The following KDM5A variants were observed in gnomAD, a reference collection of about 807,000 sequenced individuals.
KDM5A encodes lysine-specific demethylase 5A.
A neutral mutation model predicts 193.5 loss-of-function variants in KDM5A; 42 were observed. The ratio of observed to expected loss-of-function variants is 0.22; its 90% CI spans 0.17 to 0.28. KDM5A has a LOEUF of 0.28. Among genes scored for constraint, KDM5A ranks in the 10% least tolerant of loss-of-function variants. KDM5A has a pLI of 1.00. For synonymous variants in KDM5A, 796 were observed against 718.1 expected (o/e 1.11, Z -1.73); for missense variants, 1,692 against 2,055.1 (o/e 0.82, Z 3.42).
chr12:293,620 A>G (rs1296861657), intron 26 of KDM5A, among the ~76,000 whole-genome samples: 1 of 151,972 alleles, frequency 6.6e-6, no homozygotes, highest in Non-Finnish European at 1.5e-5. Context: ...CTCTACTAAA[A>G]ATACAAAAAT....
At chr12:312,357 G>A (rs1435586056) in intron 20 of KDM5A, among the ~76,000 whole-genome samples, 3 of 152,060 alleles carry the variant, frequency 2.0e-5, no homozygotes, top group Non-Finnish European at 4.4e-5. Flanking sequence ...CAAACATCTA[G>A]AATAGTAGCA....
chr12:364,984 AT>A (rs1249628710), intron 4 of KDM5A, among the ~76,000 whole-genome samples: 2 of 152,098 alleles, frequency 1.3e-5, no homozygotes, highest in African/African-American at 4.8e-5. Flanking sequence ...GATAAACAAA[AT>A]GTGGTATATC....
chr12:334,361 G>T lies in KDM5A; in HGVS notation c.1370C>A (p.Ala457Glu). Reference protein sequence around the residue: ...NMPVLEQSVLAHINVDISGMK... With the variant: ...NMPVLEQSVLEHINVDISGMK... The stretch of plus-strand genomic sequence containing the variant: ...ACCAGAGATGTCCACATTAATATGT[G>T]CAAGAACAGACTGTTCCAGGACAGG... The change falls in exon 11 of 28, where the codon GCA becomes GAA. Residue 457 changes from alanine to glutamate, a missense_variant. Ala to Glu is a moderately radical substitution (Grantham distance 107). This residue lies in a region of KDM5A where 172 missense variants were observed against 260.3 expected (regional missense o/e 0.66). Transcript: ENST00000399788. The T allele has an allele frequency of 6.2e-7, 1 of 1,613,934 alleles. No individual in the cohort carries two copies.
intron 10 of KDM5A, 21 bp downstream of exon 10, chr12:350,600 A>G (rs1205405193): frequency 7.4e-6 from 12 of 1,613,658 alleles, no homozygotes; most frequent in African/African-American, 1.3e-5. Context: ...GGGGTAAGCA[A>G]AAGTTTGGAT....
intron 8 of KDM5A, among the ~76,000 whole-genome samples, chr12:353,815 C>T (rs1944193493): frequency 6.6e-6 from 1 of 150,704 alleles, no homozygotes; most frequent in Admixed American, 6.6e-5. Flanking sequence ...CCAGCTACTT[C>T]GGAGGCTGAG....
chr12:378,161 T>C (rs536692149), intron 3 of KDM5A, among the ~76,000 whole-genome samples: 1 of 152,122 alleles, frequency 6.6e-6, no homozygotes, highest in Non-Finnish European at 1.5e-5. Flanking sequence ...GCATATTACT[T>C]GGAAATATGA....
At chr12:336,846 A>G (rs1463203069) in intron 10 of KDM5A, among the ~76,000 whole-genome samples, 2 of 152,292 alleles carry the variant, frequency 1.3e-5, no homozygotes, top group East Asian at 3.9e-4. Flanking sequence ...AAAAAAAAAA[A>G]AAAGTTACAA....
Position 282,403 on chromosome 12 carries a change from C to A in KDM5A, c.*3053G>T, listed in dbSNP as rs1943166162. The A allele has an allele frequency of 4.3e-6, 1 of 233,140 alleles. No individual in the cohort carries two copies. Among genetic ancestry groups the A allele is most frequent in the African/African-American group, 2.2e-5 (1 of 45,336 alleles). 14.4% of individuals were successfully genotyped at this position (233,140 alleles called of 1,614,324 possible). On this transcript the variant is annotated 3_prime_UTR_variant, in exon 28 of 28. Coordinates refer to ENST00000399788, the MANE Select transcript of KDM5A (RefSeq NM_001042603.3). ...AATAATTTATAATTTTACTGAGGCA[C>A]AAATTTGAATCATGCAGGCAAAGCT...
chr12:284,490 G>A lies in KDM5A; in HGVS notation c.*966C>T. On this transcript the variant is annotated 3_prime_UTR_variant, in exon 28 of 28. Coordinates refer to ENST00000399788, the MANE Select transcript of KDM5A (RefSeq NM_001042603.3). ...GCAGACATTGGGGTCAGGGCTGCAA[G>A]GCAAAAAGCTGTTATTTGCTGGTCT... 1 of 232,756 alleles carries A rather than the reference G, an allele frequency of 4.3e-6. No homozygotes were observed. Among genetic ancestry groups the A allele is most frequent in the Non-Finnish European group, 8.5e-6 (1 of 117,458 alleles). The allele number at this position is 232,756 out of a possible 1,614,324, so 14.4% of individuals were successfully genotyped here. A position where few individuals can be genotyped will look rare whatever the true frequency, so the allele number is the denominator to read the frequency against.
At chr12:331,652 G>A (rs1201902150) in intron 13 of KDM5A, among the ~76,000 whole-genome samples, 167 bp downstream of exon 13, 1 of 152,202 alleles carries the variant, frequency 6.6e-6, no homozygotes, top group Non-Finnish European at 1.5e-5. Flanking sequence ...AATAAAAAAT[G>A]TGATGGAAAT....
At chr12:350,509 C>A in intron 10 of KDM5A, 112 bp downstream of exon 10, 4 of 961,412 alleles carry the variant, frequency 4.2e-6, no homozygotes, top group Non-Finnish European at 4.8e-6. Context: ...ATTATTTATA[C>A]TGCCAAATCC....
chr12:313,255 A>T, intron 19 of KDM5A, 61 bp from the exon 20 acceptor site: 1 of 1,570,258 alleles, frequency 6.4e-7, no homozygotes, highest in Non-Finnish European at 8.8e-7. Context: ...GTAACATTTC[A>T]GAATGTTTAG....
rs909350600 is a variant in KDM5A at position 283,942 on chromosome 12, T to C, written c.*1514A>G. On this transcript the variant is annotated 3_prime_UTR_variant, in exon 28 of 28. Transcript: ENST00000399788. ...GGACACAGCACCATAGTTTCAAACA[T>C]TCACACACAAAAGAAAAAAGAGCCA... 1.7e-5 allele frequency: 4 copies of C among 233,250 alleles called. No individual in the cohort carries two copies. Among genetic ancestry groups the C allele is most frequent in the Non-Finnish European group, 3.4e-5 (4 of 117,970 alleles). The allele number at this position is 233,250 out of a possible 1,614,324, so 14.4% of individuals were successfully genotyped here.
intron 21 of KDM5A, among the ~76,000 whole-genome samples, chr12:310,255 C>G (rs1485516802): frequency 2.0e-5 from 3 of 152,198 alleles, no homozygotes; most frequent in Admixed American, 6.5e-5. Flanking sequence ...ATTCCAAAGC[C>G]TTTGCTCTTA....
Position 389,103 on chromosome 12 carries a change from G to A in KDM5A, c.-12C>T, listed in dbSNP as rs754316137. 8 of 22,868 alleles carry A rather than the reference G, an allele frequency of 3.5e-4. No individual in the cohort carries two copies. Among genetic ancestry groups the A allele is most frequent in the Non-Finnish European group, 4.3e-4 (6 of 13,966 alleles). 1.4% of individuals were successfully genotyped at this position (22,868 alleles called of 1,614,324 possible). ...CCCACGCCCGCCATTGCAACGGCCG[G>A]GGGGGGGGGGGGGTCCCCGTGGGGA... On this transcript the variant is annotated 5_prime_UTR_variant, in exon 1 of 28. Coordinates refer to ENST00000399788, the MANE Select transcript of KDM5A (RefSeq NM_001042603.3).
At chr12:352,346 G>T in intron 8 of KDM5A, 22 bp from the exon 9 acceptor site, 1 of 1,609,398 alleles carries the variant, frequency 6.2e-7, no homozygotes, top group Non-Finnish European at 8.5e-7. Context: ...AAATATGTAA[G>T]ATTAACTTAC....
intron 24 of KDM5A, among the ~76,000 whole-genome samples, chr12:300,987 T>C (rs551030005): frequency 5.7e-4 from 87 of 152,296 alleles, no homozygotes; most frequent in Middle Eastern, 6.8e-3. Flanking sequence ...CAGGAAGAAG[T>C]TGAATCCCTG....
At chr12:344,981 A>G (rs1304701870) in intron 10 of KDM5A, among the ~76,000 whole-genome samples, 1 of 152,212 alleles carries the variant, frequency 6.6e-6, no homozygotes, top group Non-Finnish European at 1.5e-5. Context: ...CAAATTGGAA[A>G]AAGAGTCAAG....
rs1332378953 is a variant in KDM5A at position 283,158 on chromosome 12, T to A, written c.*2298A>T. ...AGGAAGGAAAAATAAAAATTTTAAA[T>A]GTATTCCAGGCATCTGTCACTTAAA... On this transcript the variant is annotated 3_prime_UTR_variant, in exon 28 of 28. Transcript: ENST00000399788. 1 of 231,320 alleles carries A rather than the reference T, an allele frequency of 4.3e-6. No homozygotes were observed. The highest frequency in any genetic ancestry group is 8.6e-6 in the Non-Finnish European group (1 of 116,790). 14.3% of individuals were successfully genotyped at this position (231,320 alleles called of 1,614,324 possible).
Sources: gnomAD v4.1 joint callset for allele counts (sites outside exome capture counted in the v4.1 genomes callset) on GRCh38, gnomAD v4.1.1 for gene constraint, gnomAD v4.1.1 regional missense constraint, MANE v1.5 for transcripts, NCBI Gene and HGNC (gene_info 2026-07-23, HGNC 2026-07-21) for gene names.